The following PPP2R5E variants were observed in gnomAD, a reference collection of about 807,000 sequenced individuals.
PPP2R5E encodes the protein protein phosphatase 2 regulatory subunit B'epsilon, also known as serine/threonine-protein phosphatase 2A 56 kDa regulatory subunit epsilon isoform.
Under a neutral mutation model 65.3 loss-of-function variants are expected in PPP2R5E, and 4 were observed. The observed-to-expected ratio is 0.06, with a 90% CI of 0.03 to 0.14. The LOEUF is 0.14. PPP2R5E is among the 10% of genes least tolerant of loss of function. The probability of loss-of-function intolerance (pLI) is 1.00; values close to 1 mark genes in which losing one functional copy is unlikely to be tolerated. For synonymous variants in PPP2R5E, 183 were observed against 187.4 expected, an observed-to-expected ratio of 0.98 and a Z score of 0.19; for missense variants, 274 against 556.1, an observed-to-expected ratio of 0.49 and a Z score of 5.10.
intron 3 of PPP2R5E, among the ~76,000 whole-genome samples, chr14:63,424,202 G>C (rs1050830345): frequency 6.6e-6 from 1 of 152,158 alleles, no homozygotes; most frequent in Non-Finnish European, 1.5e-5. Context: ...ATAGATCTGA[G>C]GCCATTAACC....
intron 3 of PPP2R5E, among the ~76,000 whole-genome samples, chr14:63,433,006 T>C (rs1017335602): frequency 1.3e-5 from 2 of 150,568 alleles, no homozygotes; most frequent in African/African-American, 4.9e-5. Context: ...CAGCGCCACA[T>C]ACAGTTTTGT....
intron 2 of PPP2R5E, among the ~76,000 whole-genome samples, chr14:63,500,844 G>A: frequency 6.6e-6 from 1 of 151,834 alleles, no homozygotes; most frequent in Non-Finnish European, 1.5e-5. Flanking sequence ...ATCAGCCTGG[G>A]TGACAGAGTG....
Position 63,375,215 on chromosome 14 carries a change from G to T in PPP2R5E, c.*794C>A, listed in dbSNP as rs1883922229. 1 of 152,492 alleles carries T rather than the reference G, an allele frequency of 6.6e-6. No homozygotes were observed. The highest frequency in any genetic ancestry group is 6.5e-5 in the Admixed American group (1 of 15,268). 9.4% of individuals were successfully genotyped at this position (152,492 alleles called of 1,614,324 possible). On this transcript the variant is annotated 3_prime_UTR_variant, in exon 14 of 14. Transcript: ENST00000337537. ...CTGGTATGTGTGTTCAATGATATAT[G>T]CAACTAATACTGGTCAGGTACTGAA... is the stretch of plus-strand genomic sequence containing the variant.
chr14:63,535,250 T>G (rs1029644176), intron 2 of PPP2R5E, among the ~76,000 whole-genome samples: 17 of 151,736 alleles, frequency 1.1e-4, no homozygotes, highest in Non-Finnish European at 2.4e-4. Flanking sequence ...TCTCAACACG[T>G]CTCTACTAAA....
chr14:63,509,634 A>ACTCATT (rs1366927235), intron 2 of PPP2R5E, among the ~76,000 whole-genome samples: 1 of 151,958 alleles, frequency 6.6e-6, no homozygotes, highest in Non-Finnish European at 1.5e-5. Flanking sequence ...CCCTCCTCCT[A>ACTCATT]CTCATTCTCA....
At chr14:63,529,580 T>G (rs1033425207) in intron 2 of PPP2R5E, among the ~76,000 whole-genome samples, 1 of 148,480 alleles carries the variant, frequency 6.7e-6, no homozygotes, top group Non-Finnish European at 1.5e-5. Context: ...GTTTTCACCG[T>G]GTTAGCCAGG....
At chr14:63,401,771 A>G (rs936219898) in intron 5 of PPP2R5E, among the ~76,000 whole-genome samples, 10 of 152,176 alleles carry the variant, frequency 6.6e-5, no homozygotes, top group African/African-American at 2.4e-4. Flanking sequence ...GTGGATGACA[A>G]GAGGTAACTA....
chr14:63,542,239 C>T (rs1445156688), intron 1 of PPP2R5E, among the ~76,000 whole-genome samples: 1 of 152,138 alleles, frequency 6.6e-6, no homozygotes, highest in Non-Finnish European at 1.5e-5. Context: ...AAGGTAACAG[C>T]GGGTCCGTGC....
At chr14:63,433,006 TAC>T in intron 3 of PPP2R5E, among the ~76,000 whole-genome samples, 1 of 150,670 alleles carries the variant, frequency 6.6e-6, no homozygotes, top group East Asian at 2.0e-4. Context: ...CAGCGCCACA[TAC>T]AGTTTTGTTT....
chr14:63,454,951 C>G (rs1282583263), intron 2 of PPP2R5E, among the ~76,000 whole-genome samples: 1 of 152,222 alleles, frequency 6.6e-6, no homozygotes, highest in Non-Finnish European at 1.5e-5. Flanking sequence ...TGAGGTCCCA[C>G]AGGGAATGGG....
Position 63,510,586 on chromosome 14 carries a change from G to A in PPP2R5E, c.157+28943C>T, listed in dbSNP as rs77769123. On this transcript the variant is annotated intron_variant, in intron 2 of 13. Coordinates refer to ENST00000337537, the MANE Select transcript of PPP2R5E (RefSeq NM_006246.5). The stretch of plus-strand genomic sequence containing the variant: ...CAGAGACCTTAAAGAAGTAAAGAAA[G>A]GAGACACGCTGAGTATCCGGTAGAG... Among the ~76,000 whole-genome samples the A allele has an allele frequency of 5.6e-3, 857 of 152,306 alleles. 41 individuals carry two copies. The East Asian group carries it at 0.11, about 19-fold the overall frequency.
chr14:63,394,027 T>C (rs1371378132), intron 7 of PPP2R5E, 99 bp from the exon 8 acceptor site: 4 of 675,998 alleles, frequency 5.9e-6, no homozygotes, highest in African/African-American at 3.6e-5. Flanking sequence ...AGTTTGTTTG[T>C]ACAAAACAAC....
At chr14:63,430,381 A>ACATGCATACATACATG in intron 3 of PPP2R5E, among the ~76,000 whole-genome samples, 41 of 133,032 alleles carry the variant, frequency 3.1e-4, no homozygotes, top group African/African-American at 7.5e-4. Context: ...ATGCATGCAT[A>ACATGCATACATACATG]CATACATACA....
intron 3 of PPP2R5E, among the ~76,000 whole-genome samples, chr14:63,432,815 C>T (rs139174804): frequency 1.1e-4 from 16 of 152,222 alleles, no homozygotes; most frequent in Middle Eastern, 3.4e-3. Context: ...AAACTAGAAA[C>T]AACCTAAACG....
chr14:63,537,856 G>A (rs1210871615), intron 2 of PPP2R5E, among the ~76,000 whole-genome samples: 1 of 152,120 alleles, frequency 6.6e-6, no homozygotes, highest in Non-Finnish European at 1.5e-5. Flanking sequence ...GGTAAATTCT[G>A]ATAGTTTCCA....
At chr14:63,477,662 G>A (rs1890475608) in intron 2 of PPP2R5E, among the ~76,000 whole-genome samples, 1 of 151,910 alleles carries the variant, frequency 6.6e-6, no homozygotes, top group Non-Finnish European at 1.5e-5. Flanking sequence ...TTTTAAGGAA[G>A]GTCCTTAAAC....
At chr14:63,470,828 CAAA>C (rs35728680) in intron 2 of PPP2R5E, among the ~76,000 whole-genome samples, 1 of 71,918 alleles carries the variant, frequency 1.4e-5, no homozygotes, top group African/African-American at 4.4e-5. Flanking sequence ...TCCGTCTCTA[CAAA>C]AAAAAAAAAA....
In PPP2R5E at chr14:63,375,686, A is replaced by G; in HGVS notation, c.*323T>C. 5.5e-6 allele frequency: 1 copy of G among 182,030 alleles called. No individual in the cohort carries two copies. Among genetic ancestry groups the G allele is most frequent in the Non-Finnish European group, 1.1e-5 (1 of 88,134 alleles). The allele number at this position is 182,030 out of a possible 1,614,324, so 11.3% of individuals were successfully genotyped here. On this transcript the variant is annotated 3_prime_UTR_variant, in exon 14 of 14. Transcript: ENST00000337537. ...GTATCATACTCTCTGCTAGTGATAAATAAGGAACTCCCGATAATGGAATTT... is the reference window on the plus strand; with the variant it reads ...GTATCATACTCTCTGCTAGTGATAAGTAAGGAACTCCCGATAATGGAATTT...
intron 2 of PPP2R5E, among the ~76,000 whole-genome samples, chr14:63,461,574 T>C (rs2139511050): frequency 6.6e-6 from 1 of 150,428 alleles, no homozygotes; most frequent in African/African-American, 2.5e-5. Context: ...GGTGGGAGGA[T>C]CGTTTAAAAG....
Sources: gnomAD v4.1 joint callset for allele counts (sites outside exome capture counted in the v4.1 genomes callset) on GRCh38, gnomAD v4.1.1 for gene constraint, MANE v1.5 for transcripts, NCBI Gene and HGNC (gene_info 2026-07-23, HGNC 2026-07-21) for gene names.